NPAT: variants seen among roughly 807,000 people sequenced by gnomAD.
The protein encoded by NPAT is protein NPAT.
Under a neutral mutation model 130.7 loss-of-function variants are expected in NPAT, and 52 were observed. The ratio of observed to expected loss-of-function variants is 0.40; its 90% CI spans 0.32 to 0.50. The LOEUF (loss-of-function observed/expected upper bound fraction) is 0.50, where lower values mean the gene tolerates loss of function less well. Ranked by LOEUF, NPAT falls within the 20% of genes least tolerant of loss-of-function variation. NPAT has a pLI of 0.68. For missense variants in NPAT, 1,687 were observed against 1,662.6 expected, an observed-to-expected ratio of 1.01 and a Z score of -0.26; for synonymous variants, 580 against 584.8, an observed-to-expected ratio of 0.99 and a Z score of 0.12.
chr11:108,222,490 C>T lies in NPAT; in HGVS notation c.37+10G>A, dbSNP rs2078537457. 6.2e-7 allele frequency: 1 copy of T among 1,613,602 alleles called. No individual in the cohort carries two copies. Among genetic ancestry groups the T allele is most frequent in the Non-Finnish European group, 8.5e-7 (1 of 1,179,768 alleles). On this transcript the variant is annotated intron_variant, in intron 1 of 17. Coordinates refer to ENST00000278612, the MANE Select transcript of NPAT (RefSeq NM_002519.3). ...GGTCCAATAACCCTCCATCCCGCGT[C>T]CGCGCTTACCCAATACAAGCCGGGC...
chr11:108,192,126 A>G lies in NPAT; in HGVS notation c.282T>C (p.Ser94=). Residue 94 remains serine (S), a synonymous_variant, in exon 4 of 18, where the codon TCT becomes TCC. Transcript: ENST00000278612. Reference sequence around the variant, plus strand: ...TTCTAATAGCTTATTACCTGATCTGAGAAAGTGTATGGTCCAATTTCTTCC... The same window carrying G: ...TTCTAATAGCTTATTACCTGATCTGGGAAAGTGTATGGTCCAATTTCTTCC... ...SLWKKLDHTL[S]QIRSMQSSPR... 6.3e-7 allele frequency: 1 copy of G among 1,596,762 alleles called. No homozygotes were observed. Among genetic ancestry groups the G allele is most frequent in the Non-Finnish European group, 8.6e-7 (1 of 1,164,272 alleles).
chr11:108,192,192 T>C lies in NPAT; in HGVS notation c.218-2A>G, dbSNP rs1254077761. 6.3e-7 allele frequency: 1 copy of C among 1,588,180 alleles called. No individual in the cohort carries two copies. The highest frequency in any genetic ancestry group is 8.6e-7 in the Non-Finnish European group (1 of 1,156,762). On this transcript the variant is annotated splice_acceptor_variant, in intron 3 of 17. Coordinates refer to ENST00000278612, the MANE Select transcript of NPAT (RefSeq NM_002519.3). LOFTEE classifies it high-confidence loss of function. ...TTGCTGGGACATTATTTGATGTTTCTAAATCATAGGAGAAAAGGTTCTTAA... is the reference window on the plus strand; with the variant it reads ...TTGCTGGGACATTATTTGATGTTTCCAAATCATAGGAGAAAAGGTTCTTAA...
chr11:108,193,933 A>C lies in NPAT; in HGVS notation c.217+24T>G, dbSNP rs761629209. ...GATAAATATTGTATACATCAGCAAAAAAACTCCAAATCAGAACTCTTACCT... is the reference window on the plus strand; with the variant it reads ...GATAAATATTGTATACATCAGCAAACAAACTCCAAATCAGAACTCTTACCT... On this transcript the variant is annotated intron_variant, in intron 3 of 17. Coordinates refer to ENST00000278612, the MANE Select transcript of NPAT (RefSeq NM_002519.3). The C allele has an allele frequency of 1.1e-5, 16 of 1,456,632 alleles. No homozygotes were observed. In the South Asian group the frequency reaches 1.7e-4, roughly 16 times the overall value. 90.2% of individuals were successfully genotyped at this position (1,456,632 alleles called of 1,614,324 possible).
At chr11:108,215,376 G>A (rs1213622469) in intron 1 of NPAT, among the ~76,000 whole-genome samples, 2 of 152,168 alleles carry the variant, frequency 1.3e-5, no homozygotes, top group South Asian at 2.1e-4. Flanking sequence ...GCCTATTGGA[G>A]GTGAAGGGTG....
chr11:108,164,280 G>A (rs1277431558), intron 15 of NPAT, among the ~76,000 whole-genome samples: 1 of 152,198 alleles, frequency 6.6e-6, no homozygotes, highest in Non-Finnish European at 1.5e-5. Context: ...GTGGAAGGTG[G>A]GTGAGAAATA....
intron 10 of NPAT, among the ~76,000 whole-genome samples, chr11:108,181,616 C>T (rs1402791564): frequency 6.4e-4 from 98 of 152,014 alleles, no homozygotes. Context: ...AAACACTCCC[C>T]TTTGGGCTTC....
At chr11:108,186,904 T>C (rs1284210033) in intron 7 of NPAT, among the ~76,000 whole-genome samples, 3 of 152,106 alleles carry the variant, frequency 2.0e-5, no homozygotes, top group Admixed American at 6.5e-5. Flanking sequence ...AGGTCAACTA[T>C]ATTTTCTCTA....
rs377104782 is a variant in NPAT at position 108,160,904 on chromosome 11, T to C, written c.4182A>G (p.Ile1394Met). The stretch of plus-strand genomic sequence containing the variant: ...CCTTAATTTTCTTCTTTTTCATTGG[T>C]ATTGATGAATTTGTAAGATTTTTAC... ...PSSKNLTNSSIPMKKKKIKKK... is the reference protein window; with the variant it reads ...PSSKNLTNSSMPMKKKKIKKK... Residue 1394 changes from isoleucine to methionine, a missense_variant, in exon 17 of 18, where the codon ATA becomes ATG. This residue lies in a region of NPAT where 1,379 missense variants were observed against 1,346.6 expected (regional missense o/e 1.02). Transcript: ENST00000278612. 3 of 1,613,942 alleles carry C rather than the reference T, an allele frequency of 1.9e-6. No individual in the cohort carries two copies. Among genetic ancestry groups the C allele is most frequent in the African/African-American group, 2.7e-5 (2 of 75,066 alleles).
chr11:108,184,430 C>A (rs1015849894), intron 10 of NPAT, among the ~76,000 whole-genome samples: 1 of 150,842 alleles, frequency 6.6e-6, no homozygotes, highest in Non-Finnish European at 1.5e-5. Context: ...TGACATTGTG[C>A]CACTGCACTC....
At chr11:108,192,454 C>A (rs1032998220) in intron 3 of NPAT, among the ~76,000 whole-genome samples, 3 of 152,002 alleles carry the variant, frequency 2.0e-5, no homozygotes, top group Admixed American at 1.3e-4. Flanking sequence ...AATTTTACAC[C>A]TTCATTTTAT....
At position 108,190,077 on chromosome 11, in the gene NPAT, T is replaced by C. The variant is rs147984734; in HGVS notation, c.331+383A>G. On this transcript the variant is annotated intron_variant, in intron 5 of 17. Transcript: ENST00000278612. ...CTGTAATCCCAGCACTTTGGGAGGC[T>C]GAGGCAGGCGGACCATGGGGTCAGG... Among the ~76,000 whole-genome samples, 1,245 of 151,634 alleles carry C rather than the reference T, an allele frequency of 8.2e-3. 4 individuals are homozygous for C. Among genetic ancestry groups the C allele is most frequent in the Non-Finnish European group, 0.013 (875 of 67,844 alleles).
chr11:108,194,833 T>C (rs1169099614), intron 2 of NPAT, among the ~76,000 whole-genome samples: 1 of 150,820 alleles, frequency 6.6e-6, no homozygotes, highest in East Asian at 2.0e-4. Flanking sequence ...GTATTTTTTT[T>C]TTTTTTTTGA....
intron 15 of NPAT, among the ~76,000 whole-genome samples, chr11:108,165,866 C>T (rs1037847303): frequency 1.3e-5 from 2 of 151,826 alleles, no homozygotes; most frequent in Admixed American, 6.5e-5. Flanking sequence ...ATCTCCTGAC[C>T]TTGTGATCCG....
chr11:108,173,573 A>G lies in NPAT; in HGVS notation c.1411T>C (p.Tyr471His), dbSNP rs2077976415. ...AECNPHCAELYTNQMSTETEM... is the reference protein window; with the variant it reads ...AECNPHCAELHTNQMSTETEM... ...GTTTCAGTGGACATCTGATTGGTGT[A>G]TAATTCAGCACAATGTGGATTACAT... The change falls in exon 13 of 18, where the codon TAC becomes CAC. Residue 471 changes from tyrosine (Y) to histidine (H), a missense_variant. This residue lies in a region of NPAT where 1,379 missense variants were observed against 1,346.6 expected (regional missense o/e 1.02). Transcript: ENST00000278612. The G allele has an allele frequency of 1.2e-6, 2 of 1,614,096 alleles. No individual in the cohort carries two copies. The highest frequency in any genetic ancestry group is 2.2e-5 in the East Asian group (1 of 44,884).
intron 3 of NPAT, among the ~76,000 whole-genome samples, chr11:108,192,823 G>T (rs147914005): frequency 0.025 from 3,757 of 152,136 alleles, 77 homozygotes; most frequent in Non-Finnish European, 0.039. Flanking sequence ...GCATGGTGGC[G>T]TGCGCCTATA....
intron 13 of NPAT, among the ~76,000 whole-genome samples, chr11:108,170,557 G>A (rs982663091): frequency 6.6e-6 from 1 of 152,178 alleles, no homozygotes; most frequent in Non-Finnish European, 1.5e-5. Flanking sequence ...TCAAAACTAT[G>A]GAGGGAAAAT....
At chr11:108,186,874 G>A (rs1347264117) in intron 7 of NPAT, among the ~76,000 whole-genome samples, 2 of 152,168 alleles carry the variant, frequency 1.3e-5, no homozygotes, top group African/African-American at 2.4e-5. Flanking sequence ...AACCCATGCA[G>A]TTGAAACCCA....
intron 3 of NPAT, 112 bp downstream of exon 3, chr11:108,193,844 GT>G: frequency 1.5e-6 from 1 of 689,110 alleles, no homozygotes; most frequent in Non-Finnish European, 2.5e-6. Flanking sequence ...ACAGGGACAA[GT>G]TTTTTCAAGG....
Position 108,172,317 on chromosome 11 carries a change from C to T in NPAT, c.2667G>A (p.Val889=), listed in dbSNP as rs1187748887. Residue 889 remains valine (V), a synonymous_variant, in exon 13 of 18, where the codon GTG becomes GTA. Coordinates refer to ENST00000278612, the MANE Select transcript of NPAT (RefSeq NM_002519.3). ...TCATAGGTGCAGAATTTCCAGGCAA[C>T]ACCACTACATTAGACTGACTTACAG... ...GTSVSQSNVV[V]LPGNSAPMTA... The T allele has an allele frequency of 2.5e-6, 4 of 1,614,174 alleles. No individual in the cohort carries two copies. The highest frequency in any genetic ancestry group is 3.4e-6 in the Non-Finnish European group (4 of 1,180,018).
Sources: allele counts gnomAD v4.1 joint callset (sites outside exome capture counted in the v4.1 genomes callset), GRCh38; gene constraint gnomAD v4.1.1; regional missense constraint gnomAD v4.1.1; transcripts MANE v1.5; gene names NCBI Gene and HGNC (gene_info 2026-07-23, HGNC 2026-07-21).